AFF2: variants seen among roughly 807,000 people sequenced by gnomAD.
AFF2 encodes ALF transcription elongation factor 2.
AFF2 carries 14 observed loss-of-function variants against 76.9 expected under a neutral mutation model. The ratio of observed to expected loss-of-function variants is 0.18; its 90% CI spans 0.12 to 0.28. The LOEUF is 0.28. Among genes scored for constraint, AFF2 ranks in the 10% least tolerant of loss-of-function variants. AFF2 has a pLI of 1.00. For missense variants in AFF2, 868 were observed against 1,001.1 expected, an observed-to-expected ratio of 0.87 and a Z score of 1.79; for synonymous variants, 398 against 366.7, an observed-to-expected ratio of 1.09 and a Z score of -0.98.
intron 4 of AFF2, among the ~76,000 whole-genome samples, chrX:148,826,897 G>C (rs1557272986): frequency 1.8e-5 from 2 of 111,117 alleles, no homozygotes; most frequent in East Asian, 5.7e-4. Context: ...GTTAAATTCA[G>C]ACTACTGCAA....
intron 1 of AFF2, among the ~76,000 whole-genome samples, chrX:148,576,041 A>G (rs1557243387): frequency 9.0e-6 from 1 of 111,028 alleles, no homozygotes; most frequent in Non-Finnish European, 1.9e-5. Flanking sequence ...AGAATTCAGT[A>G]GCAGTGTACA....
intron 1 of AFF2, among the ~76,000 whole-genome samples, chrX:148,502,451 T>A (rs2052364079): frequency 8.9e-6 from 1 of 112,643 alleles, no homozygotes; most frequent in Non-Finnish European, 1.9e-5. Flanking sequence ...AGAACTTAAA[T>A]ACATTTTATT....
At chrX:148,599,666 G>A (rs1450484898) in intron 1 of AFF2, among the ~76,000 whole-genome samples, 1 of 111,446 alleles carries the variant, frequency 9.0e-6, no homozygotes, top group Non-Finnish European at 1.9e-5. Flanking sequence ...ATTACGAAGA[G>A]GAAATGTCAG....
At chrX:148,556,655 G>C (rs1557239741) in intron 1 of AFF2, among the ~76,000 whole-genome samples, 3 of 112,429 alleles carry the variant, frequency 2.7e-5, no homozygotes, top group African/African-American at 9.7e-5. Context: ...TAGATAAGAA[G>C]TTGACTTGCT....
intron 7 of AFF2, among the ~76,000 whole-genome samples, chrX:148,883,302 C>T (rs781798209): frequency 1.8e-5 from 2 of 111,833 alleles, no homozygotes; most frequent in South Asian, 7.6e-4. Flanking sequence ...CACACAGAAA[C>T]TTCTGCTTCT....
intron 1 of AFF2, among the ~76,000 whole-genome samples, chrX:148,559,383 T>G (rs1370616309): frequency 1.8e-5 from 2 of 110,893 alleles, no homozygotes; most frequent in African/African-American, 6.6e-5. Context: ...CATCAACTCG[T>G]CATCTCCATT....
At chrX:148,967,514 C>A in intron 14 of AFF2, 115 bp from the exon 15 acceptor site, 1 of 669,129 alleles carries the variant, frequency 1.5e-6, no homozygotes, top group Non-Finnish European at 2.3e-6. Context: ...CATTAGTCTG[C>A]CTTTTTCAAG....
At chrX:148,752,204 C>A (rs1341029591) in intron 3 of AFF2, among the ~76,000 whole-genome samples, 1 of 111,877 alleles carries the variant, frequency 8.9e-6, no homozygotes, top group African/African-American at 3.2e-5. Context: ...ACTATTCCCA[C>A]TGCCAGGAAT....
intron 4 of AFF2, among the ~76,000 whole-genome samples, chrX:148,836,257 A>G (rs1461901517): frequency 1.8e-5 from 2 of 112,052 alleles, no homozygotes; most frequent in Non-Finnish European, 3.8e-5. Context: ...TCCTTTTTAA[A>G]TAGTGCTAGG....
chrX:148,709,219 AAAAATTTTTT>A (rs2054927575), intron 3 of AFF2, among the ~76,000 whole-genome samples: 1 of 112,012 alleles, frequency 8.9e-6, no homozygotes, highest in East Asian at 2.8e-4. Flanking sequence ...AAAATACTAA[AAAAATTTTTT>A]TAGGCTAATC....
intron 7 of AFF2, among the ~76,000 whole-genome samples, chrX:148,878,226 C>T (rs1332058818): frequency 8.9e-6 from 1 of 111,880 alleles, no homozygotes; most frequent in Admixed American, 9.5e-5. Context: ...GACAGGCAGC[C>T]TAGTGTGAGG....
intron 4 of AFF2, among the ~76,000 whole-genome samples, chrX:148,831,760 C>T (rs1271474542): frequency 8.9e-6 from 1 of 112,321 alleles, no homozygotes; most frequent in Non-Finnish European, 1.9e-5. Context: ...GGCACTTGCG[C>T]CTTATTCCCT....
At chrX:148,670,466 G>A (rs1279455094) in intron 3 of AFF2, among the ~76,000 whole-genome samples, 3 of 111,885 alleles carry the variant, frequency 2.7e-5, no homozygotes, top group African/African-American at 9.8e-5. Context: ...TATACAGAAA[G>A]GGGAAGTGAG....
At chrX:148,950,635 C>G (rs1471551684) in intron 9 of AFF2, among the ~76,000 whole-genome samples, 1 of 111,811 alleles carries the variant, frequency 8.9e-6, no homozygotes, top group African/African-American at 3.3e-5. Context: ...TGTTCATTGT[C>G]AAAATTGACT....
rs1557256437 is a variant in AFF2, at chrX:148,652,078, C to T, written c.127C>T (p.Leu43Phe). The change falls in exon 2 of 21, where the codon CTC (leucine) becomes TTC (phenylalanine). Residue 43 changes from leucine (L) to phenylalanine (F), a missense_variant. This residue lies in a region of AFF2 where 196 missense variants were observed against 194.8 expected (regional missense o/e 1.01). Coordinates refer to ENST00000370460, the MANE Select transcript of AFF2 (RefSeq NM_002025.4). ...RNQEVQQEDD[L>F]FSSGFDLFGE... ...TCAAGAAGTCCAGCAAGAAGACGAT[C>T]TCTTTTCTTCAGGCTTTGATCTTTT... 2 of 1,201,683 alleles carry T rather than the reference C, an allele frequency of 1.7e-6. No individual in the cohort carries two copies. Among genetic ancestry groups the T allele is most frequent in the Admixed American group, 2.2e-5 (1 of 45,900 alleles).
At chrX:148,550,012 G>A (rs2052972481) in intron 1 of AFF2, among the ~76,000 whole-genome samples, 1 of 111,982 alleles carries the variant, frequency 8.9e-6, no homozygotes, top group South Asian at 3.7e-4. Context: ...CTGTTGTTTA[G>A]CCCCCAGTGG....
intron 3 of AFF2, among the ~76,000 whole-genome samples, chrX:148,678,719 T>C (rs1299293758): frequency 8.9e-6 from 1 of 111,778 alleles, no homozygotes; most frequent in African/African-American, 3.3e-5. Flanking sequence ...CCAGCAAACA[T>C]ATTAGCCATA....
chrX:148,709,439 T>C (rs1388914937), intron 3 of AFF2, among the ~76,000 whole-genome samples: 1 of 111,802 alleles, frequency 8.9e-6, no homozygotes, highest in African/African-American at 3.2e-5. Flanking sequence ...TTAATGTGAG[T>C]GCTCACCAAG....
intron 7 of AFF2, among the ~76,000 whole-genome samples, chrX:148,881,759 G>C (rs887706623): frequency 9.0e-6 from 1 of 110,918 alleles, no homozygotes; most frequent in Non-Finnish European, 1.9e-5. Context: ...AAATTCCTTT[G>C]ACAATAATAA....
Sources: gnomAD v4.1 joint callset for allele counts (sites outside exome capture counted in the v4.1 genomes callset) on GRCh38, gnomAD v4.1.1 for gene constraint, gnomAD v4.1.1 regional missense constraint, MANE v1.5 for transcripts, NCBI Gene and HGNC (gene_info 2026-07-23, HGNC 2026-07-21) for gene names.